Variants in CENPL observed in about 807,000 individuals in gnomAD.
The protein encoded by CENPL is centromere protein L.
A neutral mutation model predicts 35.2 loss-of-function variants in CENPL; 20 were observed. That is an observed-to-expected ratio of 0.57 (90% CI 0.40 to 0.83). The LOEUF (loss-of-function observed/expected upper bound fraction) is 0.83. CENPL is among the 40% of genes least tolerant of loss of function. CENPL has a pLI of 0.00. For missense variants in CENPL, 363 were observed against 395.8 expected, an observed-to-expected ratio of 0.92 and a Z score of 0.70; for synonymous variants, 140 against 140.6, an observed-to-expected ratio of 1.00 and a Z score of 0.03.
chr1:173,823,797 A>G (rs1287237973), intron 2 of CENPL, 129 bp downstream of exon 2: 2 of 152,234 alleles, frequency 1.3e-5, no homozygotes, highest in African/African-American at 4.8e-5. Context: ...CCCAATGCCA[A>G]TACTTAGCCA....
At chr1:173,802,889 G>C in intron 5 of CENPL, 74 bp downstream of exon 5, 1 of 963,590 alleles carries the variant, frequency 1.0e-6, no homozygotes, top group Non-Finnish European at 1.6e-6. Context: ...CAATTGAGTG[G>C]ACAATACAAT....
chr1:173,803,227 A>G lies in CENPL; in HGVS notation c.699T>C (p.Tyr233=). Residue 233 remains tyrosine (Y), a synonymous_variant, in exon 5 of 6, where the codon TAT becomes TAC. Transcript: ENST00000682279. ...AMWTACKMDH[Y]VATTEFLWSV... ...ACCAAAGAAATTCAGTAGTAGCCAC[A>G]TAATGGTCCATTTTGCATGCAGTCC... 1.2e-6 allele frequency: 2 copies of G among 1,614,044 alleles called. No individual in the cohort carries two copies. Among genetic ancestry groups the G allele is most frequent in the Non-Finnish European group, 1.7e-6 (2 of 1,179,850 alleles).
chr1:173,820,498 A>T (rs1297449068), intron 2 of CENPL, among the ~76,000 whole-genome samples: 4 of 152,162 alleles, frequency 2.6e-5, no homozygotes, highest in African/African-American at 9.7e-5. Context: ...TCTGAGCAAG[A>T]GTGAGACCCT....
intron 4 of CENPL, among the ~76,000 whole-genome samples, chr1:173,807,006 T>C (rs1184294162): frequency 3.9e-5 from 6 of 152,160 alleles, no homozygotes; most frequent in Admixed American, 6.6e-5. Context: ...TGTAAAAGTA[T>C]GGGCAATATG....
chr1:173,809,594 T>TAA (rs573267648), intron 3 of CENPL, among the ~76,000 whole-genome samples: 3 of 114,684 alleles, frequency 2.6e-5, no homozygotes, highest in South Asian at 2.8e-4. Context: ...AGACACTCTC[T>TAA]AAAAAAAAAA....
intron 4 of CENPL, among the ~76,000 whole-genome samples, chr1:173,805,712 G>A (rs1042442145): frequency 1.3e-5 from 2 of 152,044 alleles, no homozygotes; most frequent in Admixed American, 6.6e-5. Flanking sequence ...TAGAGCTGCT[G>A]GAGACATCTT....
chr1:173,812,443 G>A (rs1650930203), intron 2 of CENPL, among the ~76,000 whole-genome samples: 1 of 152,226 alleles, frequency 6.6e-6, no homozygotes, highest in Non-Finnish European at 1.5e-5. Flanking sequence ...CACACAGGCA[G>A]GTGCCACTAT....
intron 2 of CENPL, among the ~76,000 whole-genome samples, chr1:173,819,355 C>G (rs553799292): frequency 6.6e-6 from 1 of 152,136 alleles, no homozygotes; most frequent in South Asian, 2.1e-4. Context: ...TTTGGGAGGC[C>G]GAGGAAAAGT....
rs1182893456 is a variant in CENPL, at chr1:173,799,838, A to G, written c.*610T>C. 3 of 152,182 alleles carry G rather than the reference A, an allele frequency of 2.0e-5. No homozygotes were observed. Among genetic ancestry groups the G allele is most frequent in the Non-Finnish European group, 4.4e-5 (3 of 68,026 alleles). 9.4% of individuals were successfully genotyped at this position (152,182 alleles called of 1,614,324 possible). ...TTTGAATCCTAAGAGTTTAAACATAATAAACGCTGTATTTATTTATTTTAT... is the reference window on the plus strand; with the variant it reads ...TTTGAATCCTAAGAGTTTAAACATAGTAAACGCTGTATTTATTTATTTTAT... On this transcript the variant is annotated 3_prime_UTR_variant, in exon 6 of 6. Coordinates refer to ENST00000682279, the MANE Select transcript of CENPL (RefSeq NM_001387287.1).
At chr1:173,802,125 C>A (rs1486922630) in intron 5 of CENPL, among the ~76,000 whole-genome samples, 1 of 151,958 alleles carries the variant, frequency 6.6e-6, no homozygotes, top group Non-Finnish European at 1.5e-5. Context: ...GTAACAAGAT[C>A]ACAGGAAACA....
At position 173,803,509 on chromosome 1, in the gene CENPL, C is replaced by T; in HGVS notation, c.421-4G>A. The T allele has an allele frequency of 2.6e-6, 4 of 1,546,346 alleles. No individual in the cohort carries two copies. Among genetic ancestry groups the T allele is most frequent in the Non-Finnish European group, 2.6e-6 (3 of 1,145,474 alleles). Reference sequence around the variant, plus strand: ...GCAATTGAGATTTTGACACAATCTACAAAGAAAGTAAACAGGCTCCTTAAA... The same window carrying T: ...GCAATTGAGATTTTGACACAATCTATAAAGAAAGTAAACAGGCTCCTTAAA... On this transcript the variant is annotated splice_polypyrimidine_tract_variant and splice_region_variant and intron_variant, in intron 4 of 5. Coordinates refer to ENST00000682279, the MANE Select transcript of CENPL (RefSeq NM_001387287.1).
At chr1:173,810,433 G>A (rs556870068) in intron 3 of CENPL, among the ~76,000 whole-genome samples, 17 of 151,936 alleles carry the variant, frequency 1.1e-4, no homozygotes, top group Non-Finnish European at 2.2e-4. Flanking sequence ...TCTGGGTGAT[G>A]AAATAATCTG....
intron 2 of CENPL, among the ~76,000 whole-genome samples, chr1:173,817,153 C>CA (rs113949549): frequency 0.078 from 11,392 of 146,722 alleles, 1,336 homozygotes; most frequent in African/African-American, 0.26. Context: ...AAAAAGAAAG[C>CA]AAAAAAATAA....
chr1:173,821,501 G>C (rs1176845269), intron 2 of CENPL, among the ~76,000 whole-genome samples: 1 of 152,080 alleles, frequency 6.6e-6, no homozygotes, highest in Non-Finnish European at 1.5e-5. Context: ...AATAAATGTA[G>C]GTGAGAAAAA....
intron 3 of CENPL, among the ~76,000 whole-genome samples, chr1:173,810,590 C>T (rs1557846415): frequency 1.3e-5 from 2 of 152,070 alleles, no homozygotes; most frequent in Non-Finnish European, 2.9e-5. Context: ...AAAAACTCCT[C>T]GTATATATGG....
At chr1:173,808,584 C>A in intron 3 of CENPL, 1 of 150,678 alleles carries the variant, frequency 6.6e-6, no homozygotes, top group Admixed American at 6.6e-5. Context: ...ACTCTTTCCC[C>A]CTTCCCCCTT....
chr1:173,800,634 T>C, intron 5 of CENPL, 115 bp from the exon 6 acceptor site: 1 of 563,134 alleles, frequency 1.8e-6, no homozygotes, highest in South Asian at 2.3e-5. Flanking sequence ...ATTTAATTCA[T>C]GAAGCTTACC....
intron 5 of CENPL, among the ~76,000 whole-genome samples, chr1:173,802,735 C>T (rs1012428724): frequency 2.6e-5 from 4 of 152,094 alleles, no homozygotes; most frequent in African/African-American, 7.2e-5. Flanking sequence ...AATAATAATT[C>T]ACATTATTAC....
Position 173,802,997 on chromosome 1 carries a change from G to T in CENPL, c.929C>A (p.Ser310Tyr). The T allele has an allele frequency of 6.2e-7, 1 of 1,612,982 alleles. No homozygotes were observed. The highest frequency in any genetic ancestry group is 1.1e-5 in the South Asian group (1 of 90,902). The stretch of plus-strand genomic sequence containing the variant: ...TCCATCAGTATGTGCTGAAGCTACA[G>T]ATGTTGAAACACGAACTAATCTTGT... ...SATRLVRVSTSVASAHTDGKI... is the reference protein window; with the variant it reads ...SATRLVRVSTYVASAHTDGKI... Residue 310 changes from serine to tyrosine, a missense_variant, in exon 5 of 6, where the codon TCT becomes TAT. Ser to Tyr is a moderately radical substitution (Grantham distance 144). Coordinates refer to ENST00000682279, the MANE Select transcript of CENPL (RefSeq NM_001387287.1).
Sources: allele counts gnomAD v4.1 joint callset (sites outside exome capture counted in the v4.1 genomes callset), GRCh38; gene constraint gnomAD v4.1.1; transcripts MANE v1.5; gene names NCBI Gene and HGNC (gene_info 2026-07-23, HGNC 2026-07-21).